SRPX: variants seen among roughly 807,000 people sequenced by gnomAD.
The protein encoded by SRPX is sushi repeat containing protein X-linked, also known as sushi repeat-containing protein SRPX.
A neutral mutation model predicts 38.1 loss-of-function variants in SRPX; 24 were observed. That is an observed-to-expected ratio of 0.63 (90% CI 0.46 to 0.89). The LOEUF (loss-of-function observed/expected upper bound fraction) is 0.89. Among genes scored for constraint, SRPX ranks in the 40% least tolerant of loss-of-function variants. SRPX has a pLI of 0.00. For missense variants in SRPX, 416 were observed against 377.8 expected, an observed-to-expected ratio of 1.10 and a Z score of -0.84; for synonymous variants, 184 against 153.8, an observed-to-expected ratio of 1.20 and a Z score of -1.45.
chrX:38,193,861 T>C (rs1938950084), intron 1 of SRPX, among the ~76,000 whole-genome samples: 1 of 112,282 alleles, frequency 8.9e-6, no homozygotes, highest in African/African-American at 3.2e-5. Flanking sequence ...GTGAGCCATG[T>C]AGCCTGGCTG....
At chrX:38,208,986 CTA>C (rs1292425669) in intron 1 of SRPX, among the ~76,000 whole-genome samples, 2 of 50,335 alleles carry the variant, frequency 4.0e-5, no homozygotes, top group African/African-American at 4.4e-5. Flanking sequence ...TGTGCTCAGC[CTA>C]TATATATATA....
At chrX:38,166,665 A>AT (rs752043731) in intron 4 of SRPX, among the ~76,000 whole-genome samples, 111 of 112,130 alleles carry the variant, frequency 9.9e-4, no homozygotes, top group Middle Eastern at 4.6e-3. Flanking sequence ...CAAGTATATA[A>AT]TGACTGCCCC....
intron 1 of SRPX, among the ~76,000 whole-genome samples, chrX:38,185,897 A>AG (rs1938769160): frequency 1.1e-5 from 1 of 94,404 alleles, no homozygotes; most frequent in East Asian, 4.3e-4. Context: ...AAAAAAAAAA[A>AG]AGGGGGGGGG....
chrX:38,215,912 A>G (rs1223081204), intron 1 of SRPX, among the ~76,000 whole-genome samples: 1 of 112,301 alleles, frequency 8.9e-6, no homozygotes, highest in Non-Finnish European at 1.9e-5. Flanking sequence ...CACTGGTTCA[A>G]TCAAAGTTTA....
At chrX:38,173,702 G>A (rs1020352949) in intron 3 of SRPX, among the ~76,000 whole-genome samples, 3 of 111,453 alleles carry the variant, frequency 2.7e-5, no homozygotes, top group Non-Finnish European at 3.8e-5. Context: ...CACCCGCCTC[G>A]GCCTCCCAAA....
chrX:38,152,068 A>G (rs1938027716), intron 9 of SRPX, among the ~76,000 whole-genome samples: 1 of 111,802 alleles, frequency 8.9e-6, no homozygotes, highest in Non-Finnish European at 1.9e-5. Flanking sequence ...AAATAGCCAG[A>G]CAAGAGAATT....
Position 38,171,981 on chromosome X carries a change from C to A in SRPX, c.426G>T (p.Arg142=). 1 of 1,210,229 alleles carries A rather than the reference C, an allele frequency of 8.3e-7. No individual in the cohort carries two copies. Among genetic ancestry groups the A allele is most frequent in the Non-Finnish European group, 1.1e-6 (1 of 894,733 alleles). Reference sequence around the variant, plus strand: ...ATCCTGGTGAACAATAATACTCACACCGGGAGTTAAAGTAGGCACCATCTA... The same window carrying A: ...ATCCTGGTGAACAATAATACTCACAACGGGAGTTAAAGTAGGCACCATCTA... ...KCVDGAYFNS[R]CEYYCSPGYT... is the part of the protein sequence containing the mutation. The change falls in exon 4 of 10, where the codon CGG becomes CGT. Residue 142 remains arginine (R), a synonymous_variant. Transcript: ENST00000378533.
Position 38,149,600 on chromosome X carries a change from C to G in SRPX, c.*111G>C. The G allele has an allele frequency of 1.3e-6, 1 of 784,512 alleles. No homozygotes were observed. The highest frequency in any genetic ancestry group is 1.7e-6 in the Non-Finnish European group (1 of 577,376). 64.7% of individuals were successfully genotyped at this position (784,512 alleles called of 1,213,427 possible). A position where few individuals can be genotyped will look rare whatever the true frequency, so the allele number is the denominator to read the frequency against. ...CAAAGAAAGCTCATAATAAAATAGA[C>G]TTTTAAAATTACAAATAAAATCTGT... On this transcript the variant is annotated 3_prime_UTR_variant, in exon 10 of 10. Transcript: ENST00000378533.
chrX:38,165,170 C>T (rs1474154017), intron 4 of SRPX, among the ~76,000 whole-genome samples: 1 of 112,073 alleles, frequency 8.9e-6, no homozygotes, highest in African/African-American at 3.2e-5. Flanking sequence ...ACAGCCTTTC[C>T]TCCCCATGCT....
chrX:38,188,985 C>G (rs942440539), intron 1 of SRPX, among the ~76,000 whole-genome samples: 10 of 111,580 alleles, frequency 9.0e-5, no homozygotes, highest in Non-Finnish European at 1.5e-4. Context: ...TTTGGGGGAT[C>G]GGTGGTAGAA....
chrX:38,169,608 G>A (rs1176787079), intron 4 of SRPX, among the ~76,000 whole-genome samples: 3 of 112,366 alleles, frequency 2.7e-5, no homozygotes, highest in African/African-American at 9.7e-5. Context: ...CCGTTCCACA[G>A]GGCAAAAAGG....
intron 8 of SRPX, 37 bp downstream of exon 8, chrX:38,156,859 G>A (rs775412656): frequency 1.7e-6 from 2 of 1,192,219 alleles, no homozygotes; most frequent in African/African-American, 1.8e-5. Flanking sequence ...CCTGTTAAAG[G>A]TCTCCCTCTC....
Position 38,220,817 on chromosome X carries a change from C to A in SRPX, c.-25G>T, listed in dbSNP as rs1342833221. 12 of 1,073,989 alleles carry A rather than the reference C, an allele frequency of 1.1e-5. No individual in the cohort carries two copies. The highest frequency in any genetic ancestry group is 1.3e-5 in the Non-Finnish European group (11 of 837,363). 88.5% of individuals were successfully genotyped at this position (1,073,989 alleles called of 1,213,427 possible). Reference sequence around the variant, plus strand: ...TGGCGAGCGGGCGCTTAGCTCGCCTCGGCAGCGCAGCGCGCTTCCCGGGGG... The same window carrying A: ...TGGCGAGCGGGCGCTTAGCTCGCCTAGGCAGCGCAGCGCGCTTCCCGGGGG... On this transcript the variant is annotated 5_prime_UTR_variant, in exon 1 of 10. Coordinates refer to ENST00000378533, the MANE Select transcript of SRPX (RefSeq NM_006307.5).
intron 9 of SRPX, chrX:38,154,158 T>A: frequency 4.2e-6 from 1 of 237,001 alleles, no homozygotes; most frequent in Non-Finnish European, 7.5e-6. Context: ...TGCTTAAGTC[T>A]TTTCTTCAGG....
At chrX:38,160,595 C>T (rs1464151039) in intron 6 of SRPX, among the ~76,000 whole-genome samples, 1 of 111,775 alleles carries the variant, frequency 8.9e-6, no homozygotes, top group Admixed American at 9.5e-5. Context: ...CCTATTCACC[C>T]TGGTTGTAGA....
At chrX:38,177,084 G>A (rs5963387) in intron 2 of SRPX, among the ~76,000 whole-genome samples, 47,646 of 109,771 alleles carry the variant, frequency 0.43, 7,691 homozygotes, top group East Asian at 0.76. Context: ...TAGATGTGAA[G>A]GGTCATCTGT....
At position 38,154,519 on chromosome X, in the gene SRPX, G is replaced by A; in HGVS notation, c.1154C>T (p.Thr385Ile). The change falls in exon 9 of 10, where the codon ACT (threonine) becomes ATT (isoleucine). Residue 385 changes from threonine to isoleucine, a missense_variant. By Grantham distance (89) the Thr-to-Ile change is moderately conservative (BLOSUM62 -1). Coordinates refer to ENST00000378533, the MANE Select transcript of SRPX (RefSeq NM_006307.5). ...TVVELVGVFP[T>I]LIGRIGAKIM... ...CTTTGCTCCTATCCTGCCAATGAGA[G>A]TCGGGAACACACCCACCAGCTCCAC... 8.3e-7 allele frequency: 1 copy of A among 1,207,545 alleles called. No individual in the cohort carries two copies. Among genetic ancestry groups the A allele is most frequent in the Non-Finnish European group, 1.1e-6 (1 of 893,498 alleles).
At chrX:38,158,361 G>A (rs1196923482) in intron 7 of SRPX, among the ~76,000 whole-genome samples, 1 of 112,469 alleles carries the variant, frequency 8.9e-6, no homozygotes, top group African/African-American at 3.2e-5. Flanking sequence ...AAAAGGCTTA[G>A]CCCCAGAGAA....
Position 38,164,895 on chromosome X carries a change from TCTGAAAATATAA to T in SRPX, c.527-12_527-1del. On this transcript the variant is annotated splice_acceptor_variant and splice_polypyrimidine_tract_variant and intron_variant, in intron 4 of 9. Transcript: ENST00000378533. LOFTEE classifies it high-confidence loss of function. ...GCACTTGATTCTAGGAGGTTCCATA[TCTGAAAATATAA>T]CCAAAACATTCTCATCATCATCAAG... 2.5e-6 allele frequency: 3 copies of T among 1,208,018 alleles called. No individual in the cohort carries two copies. Among genetic ancestry groups the T allele is most frequent in the Non-Finnish European group, 3.4e-6 (3 of 894,062 alleles).
Sources: gnomAD v4.1 joint callset for allele counts (sites outside exome capture counted in the v4.1 genomes callset) on GRCh38, gnomAD v4.1.1 for gene constraint, MANE v1.5 for transcripts, NCBI Gene and HGNC (gene_info 2026-07-23, HGNC 2026-07-21) for gene names.